The following MAGI1 variants were observed in gnomAD, a reference collection of about 807,000 sequenced individuals.
The protein encoded by MAGI1 is membrane associated guanylate kinase, WW and PDZ domain containing 1, also known as membrane-associated guanylate kinase, WW and PDZ domain-containing protein 1.
Under a neutral mutation model 139.9 loss-of-function variants are expected in MAGI1, and 58 were observed. The ratio of observed to expected loss-of-function variants is 0.41; its 90% confidence interval spans 0.34 to 0.52. MAGI1 has a LOEUF of 0.52. Ranked by LOEUF, MAGI1 falls within the 20% of genes least tolerant of loss-of-function variation. The pLI is 0.12. For synonymous variants in MAGI1, 812 were observed against 737.9 expected, an observed-to-expected ratio of 1.10 and a Z score of -1.63; for missense variants, 1,874 against 1,901.6, an observed-to-expected ratio of 0.99 and a Z score of 0.27.
chr3:65,948,897 T>C (rs1227209091), intron 1 of MAGI1, among the ~76,000 whole-genome samples: 2 of 152,214 alleles, frequency 1.3e-5, no homozygotes, highest in Admixed American at 1.3e-4. Context: ...TTCAATTTTA[T>C]GTCCCTAAGC....
chr3:65,940,366 G>A (rs2063249330), intron 1 of MAGI1, among the ~76,000 whole-genome samples: 1 of 152,188 alleles, frequency 6.6e-6, no homozygotes, highest in Non-Finnish European at 1.5e-5. Flanking sequence ...AGCTCTGGAG[G>A]CTGAAGTCTA....
intron 17 of MAGI1, 64 bp downstream of exon 17, chr3:65,379,197 G>T (rs760189455): frequency 6.2e-7 from 1 of 1,602,808 alleles, no homozygotes; most frequent in Non-Finnish European, 8.5e-7. Flanking sequence ...GCTTTCACTC[G>T]CAAGAGAACA....
At chr3:65,519,056 A>G (rs2078030488) in intron 2 of MAGI1, among the ~76,000 whole-genome samples, 1 of 152,180 alleles carries the variant, frequency 6.6e-6, no homozygotes, top group African/African-American at 2.4e-5. Context: ...TAGGCACAAC[A>G]GGTAACACCA....
intron 1 of MAGI1, among the ~76,000 whole-genome samples, chr3:65,774,136 T>A (rs886369187): frequency 2.0e-5 from 3 of 151,180 alleles, no homozygotes; most frequent in Non-Finnish European, 2.9e-5. Context: ...TTGCTAACAA[T>A]AAGGTTTTGT....
At chr3:65,563,279 G>A (rs2080452747) in intron 2 of MAGI1, among the ~76,000 whole-genome samples, 1 of 152,032 alleles carries the variant, frequency 6.6e-6, no homozygotes, top group Non-Finnish European at 1.5e-5. Context: ...ACAAACAACA[G>A]ACTATTGGAC....
intron 2 of MAGI1, among the ~76,000 whole-genome samples, chr3:65,610,251 C>T (rs1398542908): frequency 6.6e-6 from 1 of 151,782 alleles, no homozygotes; most frequent in South Asian, 2.1e-4. Flanking sequence ...TTCAATAGCT[C>T]GCCTCTGGGA....
Position 65,849,001 on chromosome 3 carries a change from CTTTTTTTTTTTTTTTTTTTTT to C in MAGI1, c.313+188974_313+188994del, listed in dbSNP as rs558270441. ...GCAGCTCAAGACTATTCAGAGCATT[CTTTTTTTTTTTTTTTTTTTTT>C]TTTTTTTTTTTTTTTTTTGAGATGG... On this transcript the variant is annotated intron_variant, in intron 1 of 22. Transcript: ENST00000402939. 3.0e-3 allele frequency among the ~76,000 whole-genome samples: 117 copies of C among 39,640 alleles called. 2 individuals are homozygous for C. Among genetic ancestry groups the C allele is most frequent in the Admixed American group, 4.6e-3 (12 of 2,584 alleles). The allele number at this position is 39,640 out of a possible 152,430, so 26.0% of individuals were successfully genotyped here. A position where few individuals can be genotyped will look rare whatever the true frequency, so the allele number is the denominator to read the frequency against.
intron 2 of MAGI1, among the ~76,000 whole-genome samples, chr3:65,589,234 T>C (rs2081844146): frequency 6.6e-6 from 1 of 152,164 alleles, no homozygotes; most frequent in Non-Finnish European, 1.5e-5. Flanking sequence ...TGCTTCTATA[T>C]TTTTATATAT....
chr3:65,838,985 T>C (rs2108328766), intron 1 of MAGI1, among the ~76,000 whole-genome samples: 1 of 152,334 alleles, frequency 6.6e-6, no homozygotes, highest in Non-Finnish European at 1.5e-5. Context: ...ATGTTGAACA[T>C]CTTTTTAAGT....
At chr3:65,871,297 C>A (rs566966264) in intron 1 of MAGI1, among the ~76,000 whole-genome samples, 2 of 152,186 alleles carry the variant, frequency 1.3e-5, no homozygotes, top group East Asian at 3.9e-4. Context: ...CTGAATGCCT[C>A]AAGGTGGGAG....
At chr3:65,808,338 T>TA (rs2041009549) in intron 1 of MAGI1, among the ~76,000 whole-genome samples, 1 of 151,428 alleles carries the variant, frequency 6.6e-6, no homozygotes, top group South Asian at 2.1e-4. Flanking sequence ...CTGTCTCTAT[T>TA]AAAAAATACA....
At chr3:65,823,119 A>T (rs954977394) in intron 1 of MAGI1, among the ~76,000 whole-genome samples, 24 of 152,236 alleles carry the variant, frequency 1.6e-4, no homozygotes, top group African/African-American at 5.8e-4. Flanking sequence ...TTTTAATCAC[A>T]TATATTTAAA....
chr3:65,849,705 C>T (rs2059140998), intron 1 of MAGI1, among the ~76,000 whole-genome samples: 1 of 152,020 alleles, frequency 6.6e-6, no homozygotes. Flanking sequence ...TAATAAATGA[C>T]ATTTTGTTGC....
intron 16 of MAGI1, among the ~76,000 whole-genome samples, chr3:65,379,891 G>A (rs1942899988): frequency 6.6e-6 from 1 of 152,208 alleles, no homozygotes; most frequent in Non-Finnish European, 1.5e-5. Context: ...ATTGCACAAA[G>A]GGAAGGGCCT....
intron 12 of MAGI1, among the ~76,000 whole-genome samples, chr3:65,422,788 G>A (rs73127551): frequency 0.13 from 19,927 of 152,050 alleles, 2,301 homozygotes; most frequent in East Asian, 0.62. Flanking sequence ...CCGAGCCGAG[G>A]CCTGAAAGAT....
intron 1 of MAGI1, among the ~76,000 whole-genome samples, chr3:65,767,543 T>C (rs1265462858): frequency 6.6e-6 from 1 of 152,222 alleles, no homozygotes; most frequent in African/African-American, 2.4e-5. Context: ...AATAGTTTTA[T>C]AGTATTTAGA....
intron 1 of MAGI1, among the ~76,000 whole-genome samples, chr3:65,853,785 G>A (rs919984205): frequency 6.6e-6 from 1 of 152,106 alleles, no homozygotes; most frequent in African/African-American, 2.4e-5. Context: ...AGCCTTCCAG[G>A]GAGAAAGTGG....
At chr3:65,984,848 A>G (rs2065799734) in intron 1 of MAGI1, among the ~76,000 whole-genome samples, 1 of 151,852 alleles carries the variant, frequency 6.6e-6, no homozygotes. Context: ...CATGCCTGGC[A>G]CAAAATACCA....
chr3:65,873,217 T>C lies in MAGI1; in HGVS notation c.313+164779A>G, dbSNP rs1333372121. 14 of 152,266 alleles carry C rather than the reference T, an allele frequency of 9.2e-5. No homozygotes were observed. In the East Asian group the frequency reaches 2.1e-3, roughly 23 times the overall value. 9.4% of individuals were successfully genotyped at this position (152,266 alleles called of 1,614,324 possible). ...TTGGCTGAGACCTCAGATAACCTCA[T>C]GTATGAGAAGGAGAAGGAGTAGATC... On this transcript the variant is annotated intron_variant, in intron 1 of 22. Coordinates refer to ENST00000402939, the MANE Select transcript of MAGI1 (RefSeq NM_001033057.2).
Sources: allele counts gnomAD v4.1 joint callset (sites outside exome capture counted in the v4.1 genomes callset), GRCh38; gene constraint gnomAD v4.1.1; transcripts MANE v1.5; gene names NCBI Gene and HGNC (gene_info 2026-07-23, HGNC 2026-07-21).